Variants in COL24A1 observed in about 807,000 individuals in gnomAD.
COL24A1 encodes the protein collagen alpha-1(XXIV) chain.
A neutral mutation model predicts 253.9 loss-of-function variants in COL24A1; 224 were observed. The ratio of observed to expected loss-of-function variants is 0.88; its 90% CI spans 0.79 to 0.99. The LOEUF is 0.99. Ranked by LOEUF, COL24A1 falls within the 50% of genes least tolerant of loss-of-function variation. COL24A1 has a pLI of 0.00. For synonymous variants in COL24A1, 685 were observed against 673.7 expected, an observed-to-expected ratio of 1.02 and a Z score of -0.26; for missense variants, 2,131 against 2,068.5, an observed-to-expected ratio of 1.03 and a Z score of -0.59.
intron 2 of COL24A1, among the ~76,000 whole-genome samples, chr1:86,138,861 C>G (rs1205965642): frequency 7.1e-6 from 1 of 141,596 alleles, no homozygotes; most frequent in Non-Finnish European, 1.6e-5. Flanking sequence ...TTTTTTTTAT[C>G]TCATCCCGTC....
intron 5 of COL24A1, among the ~76,000 whole-genome samples, chr1:86,103,633 C>G (rs12029694): frequency 0.3 from 45,782 of 152,018 alleles, 8,025 homozygotes; most frequent in Non-Finnish European, 0.38. Flanking sequence ...TTCTCCTTTG[C>G]TTACAAAGCT....
intron 4 of COL24A1, among the ~76,000 whole-genome samples, chr1:86,114,554 AT>A (rs1186371174): frequency 2.0e-5 from 3 of 151,956 alleles, no homozygotes; most frequent in Non-Finnish European, 4.4e-5. Flanking sequence ...ACTACAGAGA[AT>A]TTTTTTTAAT....
At position 85,730,223 on chromosome 1, in the gene COL24A1, C is replaced by A; in HGVS notation, c.*323G>T. 5.4e-6 allele frequency: 1 copy of A among 183,614 alleles called. No individual in the cohort carries two copies. The highest frequency in any genetic ancestry group is 1.2e-5 in the Non-Finnish European group (1 of 86,476). The allele number at this position is 183,614 out of a possible 1,614,324, so 11.4% of individuals were successfully genotyped here. ...GCTCCATAGTGCTCTGCATCTCCAG[C>A]TGTCTAATGGGTACTACGCACTCAG... On this transcript the variant is annotated 3_prime_UTR_variant, in exon 60 of 60. Coordinates refer to ENST00000370571, the MANE Select transcript of COL24A1 (RefSeq NM_152890.7).
At chr1:85,972,769 A>G (rs974814674) in intron 20 of COL24A1, among the ~76,000 whole-genome samples, 2 of 152,200 alleles carry the variant, frequency 1.3e-5, no homozygotes, top group African/African-American at 4.8e-5. Context: ...TAAGGGACCC[A>G]ATTCAGCCCA....
chr1:86,004,374 C>A lies in COL24A1; in HGVS notation c.2310+12777G>T, dbSNP rs539751084. On this transcript the variant is annotated intron_variant, in intron 19 of 59. Transcript: ENST00000370571. Reference sequence around the variant, plus strand: ...AGAACACAGCATCCAAAAATGGAGACCCTCTTTACATTGAAGGAGGGGCAA... The same window carrying A: ...AGAACACAGCATCCAAAAATGGAGAACCTCTTTACATTGAAGGAGGGGCAA... Among the ~76,000 whole-genome samples the A allele has an allele frequency of 2.2e-4, 33 of 152,176 alleles. No individual in the cohort carries two copies. In the South Asian group the frequency reaches 5.6e-3, roughly 26 times the overall value.
intron 28 of COL24A1, among the ~76,000 whole-genome samples, chr1:85,897,226 G>T (rs751963573): frequency 6.6e-6 from 1 of 152,108 alleles, no homozygotes; most frequent in Non-Finnish European, 1.5e-5. Context: ...ACATGGTGAG[G>T]AACAACACAC....
At chr1:85,877,908 A>G (rs2102624182) in intron 32 of COL24A1, among the ~76,000 whole-genome samples, 1 of 152,334 alleles carries the variant, frequency 6.6e-6, no homozygotes, top group Admixed American at 6.5e-5. Flanking sequence ...AAGTAAATAT[A>G]TGATCTTTTT....
chr1:85,779,795 C>T (rs1170591354), intron 52 of COL24A1, among the ~76,000 whole-genome samples: 2 of 152,088 alleles, frequency 1.3e-5, no homozygotes, highest in Admixed American at 6.6e-5. Flanking sequence ...CCTGTCACCC[C>T]TCACTGGTAT....
chr1:85,778,072 C>CA (rs1333223855), intron 52 of COL24A1, among the ~76,000 whole-genome samples: 3 of 130,276 alleles, frequency 2.3e-5, no homozygotes, highest in Non-Finnish European at 5.0e-5. Context: ...TATCTATCAT[C>CA]TATCTCTAGA....
chr1:86,031,745 C>G (rs559938721), intron 14 of COL24A1, 133 bp downstream of exon 14: 14 of 582,938 alleles, frequency 2.4e-5, no homozygotes, highest in African/African-American at 1.9e-4. Context: ...GAAAAAAATA[C>G]ATTTAATCAA....
At chr1:86,026,631 T>C (rs1171572031) in intron 14 of COL24A1, among the ~76,000 whole-genome samples, 1 of 152,202 alleles carries the variant, frequency 6.6e-6, no homozygotes, top group Non-Finnish European at 1.5e-5. Flanking sequence ...CTTTCCTTTA[T>C]AAATTACCCA....
intron 12 of COL24A1, among the ~76,000 whole-genome samples, chr1:86,043,769 G>A (rs921145861): frequency 3.3e-5 from 5 of 152,100 alleles, no homozygotes; most frequent in Middle Eastern, 3.4e-3. Flanking sequence ...CTCATGATCC[G>A]CCCGCCTCGG....
rs1440093252 is a variant in COL24A1 at position 86,140,595 on chromosome 1, CAG to C, written c.121+5522_121+5523del. Among the ~76,000 whole-genome samples, 14 of 152,284 alleles carry C rather than the reference CAG, an allele frequency of 9.2e-5. No homozygotes were observed. The South Asian group carries it at 1.9e-3, about 20-fold the overall frequency. ...AATTCTTCGAGATGAATATTCTACA[CAG>C]AGATTTTTACACACGTGGTTTTCAC... On this transcript the variant is annotated intron_variant, in intron 2 of 59. Transcript: ENST00000370571.
chr1:85,922,788 T>C (rs1194050304), intron 24 of COL24A1, among the ~76,000 whole-genome samples: 1 of 152,148 alleles, frequency 6.6e-6, no homozygotes, highest in Non-Finnish European at 1.5e-5. Context: ...GCTAACATCA[T>C]AATGACAGGA....
intron 24 of COL24A1, among the ~76,000 whole-genome samples, chr1:85,922,750 C>T (rs1003993618): frequency 6.6e-6 from 1 of 152,190 alleles, no homozygotes; most frequent in African/African-American, 2.4e-5. Context: ...TAGGAAGAAA[C>T]TGCATCAACT....
chr1:86,047,789 C>A (rs1052730374), intron 11 of COL24A1, among the ~76,000 whole-genome samples: 2 of 151,682 alleles, frequency 1.3e-5, no homozygotes, highest in Non-Finnish European at 2.9e-5. Flanking sequence ...TATATTTAAG[C>A]CAGTTTGAAT....
intron 7 of COL24A1, among the ~76,000 whole-genome samples, chr1:86,069,742 A>G (rs1701738200): frequency 6.6e-6 from 1 of 152,212 alleles, no homozygotes. Context: ...AATCCAGAGA[A>G]TTCTTTCAGA....
At chr1:86,106,771 A>C (rs1476595650) in intron 5 of COL24A1, among the ~76,000 whole-genome samples, 2 of 152,196 alleles carry the variant, frequency 1.3e-5, no homozygotes, top group Non-Finnish European at 2.9e-5. Flanking sequence ...TTTTTTTAAG[A>C]AGAACATTGT....
At chr1:85,732,675 T>A (rs1663624020) in intron 59 of COL24A1, among the ~76,000 whole-genome samples, 1 of 152,256 alleles carries the variant, frequency 6.6e-6, no homozygotes, top group Non-Finnish European at 1.5e-5. Flanking sequence ...AATTTATTTT[T>A]AATTATGCTA....
Sources: allele counts gnomAD v4.1 joint callset (sites outside exome capture counted in the v4.1 genomes callset), GRCh38; gene constraint gnomAD v4.1.1; transcripts MANE v1.5; gene names NCBI Gene and HGNC (gene_info 2026-07-23, HGNC 2026-07-21).